Variants in CSMD1 observed in about 807,000 individuals in gnomAD.
CSMD1 encodes CUB and sushi domain-containing protein 1.
CSMD1 carries 213 observed loss-of-function variants against 417.5 expected under a neutral mutation model. The ratio of observed to expected loss-of-function variants is 0.51; its 90% CI spans 0.46 to 0.57. The LOEUF (loss-of-function observed/expected upper bound fraction) is 0.57, where lower values mean the gene tolerates loss of function less well. Ranked by LOEUF, CSMD1 falls within the 20% of genes least tolerant of loss-of-function variation. The pLI is 0.00. For synonymous variants in CSMD1, 2,862 were observed against 1,736.8 expected (o/e 1.65, Z -16.11); for missense variants, 6,923 against 4,529.7 (o/e 1.53, Z -15.17).
chr8:4,179,973 G>C (rs1308811663), intron 3 of CSMD1, among the ~76,000 whole-genome samples: 3 of 152,176 alleles, frequency 2.0e-5, no homozygotes, highest in African/African-American at 7.2e-5. Flanking sequence ...CTTTTACACT[G>C]TTAGTGGGAC....
At chr8:4,729,348 G>A (rs1203694890) in intron 1 of CSMD1, among the ~76,000 whole-genome samples, 1 of 152,192 alleles carries the variant, frequency 6.6e-6, no homozygotes, top group Non-Finnish European at 1.5e-5. Flanking sequence ...TCTGAAGACA[G>A]TAACTGATTG....
intron 3 of CSMD1, among the ~76,000 whole-genome samples, chr8:4,273,524 ATTCTATTAAC>A (rs1293952483): frequency 5.3e-5 from 8 of 152,196 alleles, no homozygotes; most frequent in African/African-American, 1.9e-4. Flanking sequence ...AATAGAGGAC[ATTCTATTAAC>A]TTCAATTTTC....
At chr8:3,771,832 T>C (rs1388628365) in intron 5 of CSMD1, among the ~76,000 whole-genome samples, 1 of 152,138 alleles carries the variant, frequency 6.6e-6, no homozygotes, top group Non-Finnish European at 1.5e-5. Flanking sequence ...ATCCGTTCAA[T>C]ACATTCTCAC....
intron 10 of CSMD1, among the ~76,000 whole-genome samples, chr8:3,509,429 T>G (rs935703494): frequency 6.6e-6 from 1 of 152,192 alleles, no homozygotes; most frequent in Non-Finnish European, 1.5e-5. Context: ...GGACAATGTT[T>G]TGGTGATTCT....
At chr8:3,510,935 G>A (rs942814071) in intron 10 of CSMD1, among the ~76,000 whole-genome samples, 2 of 151,864 alleles carry the variant, frequency 1.3e-5, no homozygotes, top group East Asian at 3.9e-4. Flanking sequence ...GCACACGTAT[G>A]TTTACTGCAG....
chr8:3,210,790 A>G (rs1463766001), intron 30 of CSMD1, among the ~76,000 whole-genome samples: 1 of 151,550 alleles, frequency 6.6e-6, no homozygotes, highest in African/African-American at 2.4e-5. Context: ...TGCTTTTTCT[A>G]TGGCTAAAGT....
chr8:3,427,714 G>C (rs1813944926), intron 12 of CSMD1, among the ~76,000 whole-genome samples: 1 of 151,926 alleles, frequency 6.6e-6, no homozygotes, highest in Non-Finnish European at 1.5e-5. Context: ...CAAATTCCAT[G>C]GAAATGTAAA....
chr8:3,667,124 C>T (rs540658381), intron 7 of CSMD1, among the ~76,000 whole-genome samples: 2 of 152,184 alleles, frequency 1.3e-5, no homozygotes, highest in East Asian at 3.9e-4. Context: ...AGGGATACAC[C>T]AGTTTGGGAG....
At chr8:4,118,919 G>C (rs987426565) in intron 3 of CSMD1, among the ~76,000 whole-genome samples, 6 of 152,154 alleles carry the variant, frequency 3.9e-5, no homozygotes, top group East Asian at 3.8e-4. Context: ...CCATTAAAAA[G>C]GATGAGTTCA....
chr8:4,103,680 A>C (rs995844800), intron 3 of CSMD1, among the ~76,000 whole-genome samples: 22 of 152,154 alleles, frequency 1.4e-4, no homozygotes, highest in African/African-American at 5.3e-4. Context: ...TTACATGATT[A>C]TAAACTGGAG....
chr8:3,440,290 T>A (rs896847526), intron 12 of CSMD1, among the ~76,000 whole-genome samples: 1 of 152,196 alleles, frequency 6.6e-6, no homozygotes, highest in African/African-American at 2.4e-5. Flanking sequence ...ACATACTATA[T>A]CTCTCTACTT....
chr8:4,286,699 C>T lies in CSMD1; in HGVS notation c.415+133254G>A, dbSNP rs183183858. Among the ~76,000 whole-genome samples the T allele has an allele frequency of 1.3e-3, 204 of 152,280 alleles. 2 individuals are homozygous for T. Among genetic ancestry groups the T allele is most frequent in the African/African-American group, 4.7e-3 (195 of 41,564 alleles). ...TTGTAGGGCCACAGTGGAAATCAAA[C>T]AAGAGAATGTATGCAGCTCACACGG... On this transcript the variant is annotated intron_variant, in intron 3 of 69. Transcript: ENST00000635120.
chr8:3,448,062 T>A (rs1010009466), intron 12 of CSMD1, among the ~76,000 whole-genome samples: 1 of 151,804 alleles, frequency 6.6e-6, no homozygotes, highest in African/African-American at 2.4e-5. Flanking sequence ...TACACAGGAT[T>A]TCTAATAACA....
chr8:3,998,304 T>A (rs558462841), intron 4 of CSMD1, among the ~76,000 whole-genome samples, 194 bp from the exon 5 acceptor site: 2 of 152,188 alleles, frequency 1.3e-5, no homozygotes, highest in Non-Finnish European at 2.9e-5. Context: ...AACATTTAAA[T>A]TATCTTATTA....
chr8:3,254,834 G>C (rs569520823), intron 26 of CSMD1, among the ~76,000 whole-genome samples: 29 of 151,956 alleles, frequency 1.9e-4, no homozygotes, highest in Admixed American at 5.9e-4. Context: ...CTTTAGCTCG[G>C]GGTCGTTTGC....
At chr8:3,654,550 T>G (rs577652032) in intron 7 of CSMD1, among the ~76,000 whole-genome samples, 1 of 152,302 alleles carries the variant, frequency 6.6e-6, no homozygotes, top group East Asian at 1.9e-4. Flanking sequence ...TTGTCATGAT[T>G]ATACGGAGAG....
intron 68 of CSMD1, 80 bp downstream of exon 68, chr8:2,949,219 T>C: frequency 1.3e-6 from 1 of 770,816 alleles, no homozygotes; most frequent in Non-Finnish European, 2.2e-6. Context: ...TTTAGAGTCG[T>C]CTTTTCCATT....
intron 5 of CSMD1, among the ~76,000 whole-genome samples, chr8:3,769,807 G>A (rs745868209): frequency 2.8e-4 from 43 of 152,222 alleles, no homozygotes; most frequent in Non-Finnish European, 7.4e-5. Context: ...ATCACCTTAC[G>A]ATGCATGTGT....
chr8:4,158,047 G>A (rs1714775), intron 3 of CSMD1, among the ~76,000 whole-genome samples: 7 of 151,706 alleles, frequency 4.6e-5, no homozygotes, highest in Non-Finnish European at 7.4e-5. Context: ...CAAAGCTCCT[G>A]CTACCCCTAC....
Sources: allele counts gnomAD v4.1 joint callset (sites outside exome capture counted in the v4.1 genomes callset), GRCh38; gene constraint gnomAD v4.1.1; transcripts MANE v1.5; gene names NCBI Gene and HGNC (gene_info 2026-07-23, HGNC 2026-07-21).